Variants in FGGY observed in about 807,000 individuals in gnomAD.
FGGY encodes the protein FGGY carbohydrate kinase domain containing.
Under a neutral mutation model 71.3 loss-of-function variants are expected in FGGY, and 72 were observed. That is an observed-to-expected ratio of 1.01 (90% CI 0.84 to 1.23). FGGY has a LOEUF of 1.23. Ranked by LOEUF, FGGY falls within the 50% of genes most tolerant of loss-of-function variation. The probability of loss-of-function intolerance (pLI) is 0.00; values close to 1 mark genes in which losing one functional copy is unlikely to be tolerated. For synonymous variants in FGGY, 251 were observed against 250.3 expected (o/e 1.00, Z -0.02); for missense variants, 668 against 682.3 (o/e 0.98, Z 0.23).
At chr1:59,552,067 C>G (rs1299387976) in intron 7 of FGGY, among the ~76,000 whole-genome samples, 1 of 152,176 alleles carries the variant, frequency 6.6e-6, no homozygotes, top group East Asian at 1.9e-4. Flanking sequence ...ATGGAAGCAG[C>G]TACCATCCCC....
intron 5 of FGGY, among the ~76,000 whole-genome samples, chr1:59,422,320 G>T (rs2065581617): frequency 6.6e-6 from 1 of 152,166 alleles, no homozygotes; most frequent in African/African-American, 2.4e-5. Flanking sequence ...GCAGATTGAG[G>T]TTGTATTTCC....
rs572994272 is a variant in FGGY at position 59,703,058 on chromosome 1, G to C, written c.1512+28925G>C. ...GATGTTGCCTTTTCTTATACTCCAC[G>C]TAGGGAGCCTCTGCTCAGAGGGTTA... is the stretch of plus-strand genomic sequence containing the variant. On this transcript the variant is annotated intron_variant, in intron 14 of 15. Transcript: ENST00000303721. Among the ~76,000 whole-genome samples the C allele has an allele frequency of 1.7e-4, 26 of 152,254 alleles. No homozygotes were observed. In the South Asian group the frequency reaches 5.4e-3, roughly 32 times the overall value.
At chr1:59,356,723 A>G (rs557224657) in intron 4 of FGGY, among the ~76,000 whole-genome samples, 3 of 152,334 alleles carry the variant, frequency 2.0e-5, no homozygotes, top group South Asian at 2.1e-4. Context: ...TATGCCCAAC[A>G]TAAGTTAATT....
intron 14 of FGGY, among the ~76,000 whole-genome samples, chr1:59,699,782 C>G (rs1316490472): frequency 2.0e-5 from 3 of 152,140 alleles, no homozygotes; most frequent in African/African-American, 7.2e-5. Context: ...CTGTTCTTGC[C>G]TTTGTAACAG....
At chr1:59,416,316 C>A (rs1557854804) in intron 5 of FGGY, among the ~76,000 whole-genome samples, 1 of 152,078 alleles carries the variant, frequency 6.6e-6, no homozygotes, top group Non-Finnish European at 1.5e-5. Context: ...GATACACAAT[C>A]TGTCTGTGGT....
intron 7 of FGGY, among the ~76,000 whole-genome samples, chr1:59,538,034 A>G (rs1261150235): frequency 1.3e-5 from 2 of 152,324 alleles, no homozygotes; most frequent in South Asian, 2.1e-4. Context: ...GCACAGCAAA[A>G]GAAACTACCA....
intron 7 of FGGY, among the ~76,000 whole-genome samples, chr1:59,513,532 G>C (rs2094566670): frequency 1.3e-5 from 2 of 152,166 alleles, no homozygotes; most frequent in Non-Finnish European, 2.9e-5. Context: ...AGCCTTCCAT[G>C]AAACACTCAG....
chr1:59,568,997 A>T (rs1313245657), intron 8 of FGGY, among the ~76,000 whole-genome samples: 1 of 152,236 alleles, frequency 6.6e-6, no homozygotes, highest in African/African-American at 2.4e-5. Context: ...ACTCAGAAAA[A>T]AAAAGGCTGC....
chr1:59,551,438 A>G (rs546319622), intron 7 of FGGY, among the ~76,000 whole-genome samples: 2 of 152,318 alleles, frequency 1.3e-5, no homozygotes, highest in East Asian at 1.9e-4. Flanking sequence ...TGTTTATGCA[A>G]CCAGTAAATG....
chr1:59,759,652 C>T (rs559731746), intron 15 of FGGY, among the ~76,000 whole-genome samples: 1 of 152,288 alleles, frequency 6.6e-6, no homozygotes, highest in Non-Finnish European at 1.5e-5. Flanking sequence ...TGCAGGCAAC[C>T]CAGAGATTTG....
intron 13 of FGGY, among the ~76,000 whole-genome samples, chr1:59,670,190 A>G (rs2097365230): frequency 6.6e-6 from 1 of 152,232 alleles, no homozygotes; most frequent in Admixed American, 6.5e-5. Flanking sequence ...TTAATGCATC[A>G]GATAAAATAG....
intron 11 of FGGY, among the ~76,000 whole-genome samples, chr1:59,642,477 T>C (rs367833273): frequency 8.5e-4 from 129 of 151,374 alleles, no homozygotes; most frequent in African/African-American, 3.1e-3. Flanking sequence ...ATACAAAAAT[T>C]AGCTGGGCGT....
intron 12 of FGGY, among the ~76,000 whole-genome samples, chr1:59,663,269 A>G (rs1029928870): frequency 6.6e-6 from 1 of 152,176 alleles, no homozygotes; most frequent in Non-Finnish European, 1.5e-5. Flanking sequence ...ACCTTTCTCC[A>G]TCTCACTCCC....
intron 4 of FGGY, among the ~76,000 whole-genome samples, chr1:59,363,532 A>G (rs1330464497): frequency 6.6e-6 from 1 of 152,242 alleles, no homozygotes; most frequent in Admixed American, 6.5e-5. Flanking sequence ...TAGATTGCTC[A>G]AGGCCACATA....
rs941666400 is a variant in FGGY at position 59,613,600 on chromosome 1, A to G, written c.1011+5690A>G. On this transcript the variant is annotated intron_variant, in intron 9 of 15. Transcript: ENST00000303721. ...ACAATTAAAAGAACTAGAGAAGCAAAAGCAAACACATTCAAAAGCTAGCAG... is the reference window on the plus strand; with the variant it reads ...ACAATTAAAAGAACTAGAGAAGCAAGAGCAAACACATTCAAAAGCTAGCAG... Among the ~76,000 whole-genome samples the G allele has an allele frequency of 2.6e-5, 4 of 152,036 alleles. No individual in the cohort carries two copies. In the East Asian group the frequency reaches 7.7e-4, roughly 29 times the overall value.
At chr1:59,489,283 T>C (rs1314483730) in intron 6 of FGGY, among the ~76,000 whole-genome samples, 1 of 152,114 alleles carries the variant, frequency 6.6e-6, no homozygotes, top group African/African-American at 2.4e-5. Context: ...TTAACTATAG[T>C]TATTCTACAG....
chr1:59,474,629 A>C (rs183267614), intron 6 of FGGY, among the ~76,000 whole-genome samples: 2 of 152,354 alleles, frequency 1.3e-5, no homozygotes, highest in East Asian at 3.9e-4. Context: ...TACATAGGTA[A>C]ATTTACCCAA....
chr1:59,473,653 A>G (rs2093108269), intron 6 of FGGY, among the ~76,000 whole-genome samples: 1 of 152,166 alleles, frequency 6.6e-6, no homozygotes, highest in African/African-American at 2.4e-5. Context: ...TGTGGGCAAG[A>G]TAGAGTTTAT....
At chr1:59,451,380 G>GT (rs137934650) in intron 5 of FGGY, among the ~76,000 whole-genome samples, 71,893 of 146,466 alleles carry the variant, frequency 0.49, 17,513 homozygotes, top group Middle Eastern at 0.58. Flanking sequence ...GTTGTTGTTT[G>GT]TTTTTTTTTT....
Sources: allele counts gnomAD v4.1 joint callset (sites outside exome capture counted in the v4.1 genomes callset), GRCh38; gene constraint gnomAD v4.1.1; transcripts MANE v1.5; gene names NCBI Gene and HGNC (gene_info 2026-07-23, HGNC 2026-07-21).